The following KCNIP4 variants were observed in gnomAD, a reference collection of about 807,000 sequenced individuals.
The protein encoded by KCNIP4 is Kv channel-interacting protein 4.
In KCNIP4, 12 loss-of-function variants were observed where a neutral mutation model predicts 34.0. The ratio of observed to expected loss-of-function variants is 0.35; its 90% confidence interval spans 0.23 to 0.57. KCNIP4 has a LOEUF of 0.57. KCNIP4 is among the 20% of genes least tolerant of loss of function. The pLI, the probability that KCNIP4 is intolerant of heterozygous loss-of-function variation, is 0.83. For synonymous variants in KCNIP4, 124 were observed against 102.2 expected, an observed-to-expected ratio of 1.21 and a Z score of -1.29; for missense variants, 238 against 311.7, an observed-to-expected ratio of 0.76 and a Z score of 1.78.
At chr4:20,872,985 T>C (rs1245113413) in intron 2 of KCNIP4, among the ~76,000 whole-genome samples, 1 of 152,222 alleles carries the variant, frequency 6.6e-6, no homozygotes, top group Non-Finnish European at 1.5e-5. Context: ...TTCCTTATCT[T>C]GATAAATTTC....
chr4:20,783,059 T>C (rs1171192013), intron 3 of KCNIP4, among the ~76,000 whole-genome samples: 1 of 152,224 alleles, frequency 6.6e-6, no homozygotes, highest in Non-Finnish European at 1.5e-5. Flanking sequence ...CAAGTCTCTT[T>C]GTTAAAACAT....
At chr4:20,774,552 T>C (rs913691547) in intron 3 of KCNIP4, among the ~76,000 whole-genome samples, 9 of 152,216 alleles carry the variant, frequency 5.9e-5, no homozygotes, top group Admixed American at 5.9e-4. Context: ...AAGTCCCTCC[T>C]GGAGTTTGAT....
intron 1 of KCNIP4, among the ~76,000 whole-genome samples, chr4:21,519,528 A>ATGTATGTGTATATACACAAATGTG (rs1735188054): frequency 1.7e-5 from 1 of 58,912 alleles, no homozygotes; most frequent in African/African-American, 8.5e-5. Context: ...ATATGTGTGT[A>ATGTATGTGTATATACACAAATGTG]TGTGTATGTG....
At chr4:21,642,529 G>T (rs1746686951) in intron 1 of KCNIP4, among the ~76,000 whole-genome samples, 1 of 152,102 alleles carries the variant, frequency 6.6e-6, no homozygotes, top group Non-Finnish European at 1.5e-5. Flanking sequence ...GAATTCATGG[G>T]TCCACAATTC....
At chr4:20,888,874 T>A (rs10516369) in intron 1 of KCNIP4, among the ~76,000 whole-genome samples, 18,181 of 152,154 alleles carry the variant, frequency 0.12, 1,266 homozygotes, top group South Asian at 0.22. Flanking sequence ...AATAAGATGT[T>A]CTGTCTAAAG....
At chr4:21,364,928 TG>T (rs1398074128) in intron 1 of KCNIP4, among the ~76,000 whole-genome samples, 2 of 152,160 alleles carry the variant, frequency 1.3e-5, no homozygotes, top group Admixed American at 1.3e-4. Context: ...ACATTGCAAG[TG>T]AATATAAAGA....
intron 1 of KCNIP4, among the ~76,000 whole-genome samples, chr4:20,985,379 C>T (rs536991069): frequency 2.0e-5 from 3 of 152,286 alleles, no homozygotes; most frequent in African/African-American, 7.2e-5. Context: ...AGTGACTTTT[C>T]AACAACTTAC....
chr4:20,789,736 T>G (rs1712482225), intron 3 of KCNIP4, among the ~76,000 whole-genome samples: 1 of 151,234 alleles, frequency 6.6e-6, no homozygotes, highest in Admixed American at 6.6e-5. Flanking sequence ...TGCCAACTAT[T>G]AGATATTTAT....
chr4:20,978,051 G>C (rs1047083776), intron 1 of KCNIP4, among the ~76,000 whole-genome samples: 3 of 152,232 alleles, frequency 2.0e-5, no homozygotes, highest in East Asian at 3.9e-4. Context: ...AAATCTAAAC[G>C]TTTTTCCAGT....
intron 1 of KCNIP4, among the ~76,000 whole-genome samples, chr4:21,772,816 T>C (rs1452223071): frequency 6.6e-6 from 1 of 152,176 alleles, no homozygotes; most frequent in Non-Finnish European, 1.5e-5. Context: ...CTCCCTCTGC[T>C]TTATTAGTCT....
At chr4:21,441,895 G>C (rs1299568015) in intron 1 of KCNIP4, among the ~76,000 whole-genome samples, 1 of 152,134 alleles carries the variant, frequency 6.6e-6, no homozygotes, top group East Asian at 1.9e-4. Flanking sequence ...TTTGGAGAAA[G>C]ATTTAATATT....
At chr4:20,995,004 G>T (rs572695651) in intron 1 of KCNIP4, among the ~76,000 whole-genome samples, 1 of 152,254 alleles carries the variant, frequency 6.6e-6, no homozygotes, top group South Asian at 2.1e-4. Context: ...TTAAAAATCA[G>T]CTCTAACCCC....
At chr4:21,440,119 G>A (rs1291269875) in intron 1 of KCNIP4, among the ~76,000 whole-genome samples, 1 of 152,158 alleles carries the variant, frequency 6.6e-6, no homozygotes, top group Non-Finnish European at 1.5e-5. Flanking sequence ...AAAACAATTA[G>A]GGTGAAGAAA....
intron 1 of KCNIP4, among the ~76,000 whole-genome samples, chr4:21,897,812 C>T (rs1727483460): frequency 6.6e-6 from 1 of 152,114 alleles, no homozygotes; most frequent in African/African-American, 2.4e-5. Flanking sequence ...ATCAGGTAGG[C>T]ATTCGCAGCA....
At chr4:20,886,983 A>G (rs1383540361) in intron 1 of KCNIP4, among the ~76,000 whole-genome samples, 5 of 152,198 alleles carry the variant, frequency 3.3e-5, no homozygotes, top group African/African-American at 1.2e-4. Flanking sequence ...GACATTAGGT[A>G]GCACAGATGT....
intron 1 of KCNIP4, among the ~76,000 whole-genome samples, chr4:20,918,636 C>A (rs1460413851): frequency 2.6e-5 from 4 of 152,192 alleles, no homozygotes; most frequent in African/African-American, 9.7e-5. Flanking sequence ...GTGAACAAGA[C>A]AACCATGTTT....
chr4:20,855,451 C>A (rs868291754), intron 2 of KCNIP4, among the ~76,000 whole-genome samples: 1 of 152,152 alleles, frequency 6.6e-6, no homozygotes, highest in Non-Finnish European at 1.5e-5. Context: ...GGACCCCAAT[C>A]CCTTGTCCCA....
intron 1 of KCNIP4, among the ~76,000 whole-genome samples, chr4:21,476,504 G>T (rs992106545): frequency 7.2e-5 from 11 of 152,100 alleles, no homozygotes; most frequent in Admixed American, 2.6e-4. Context: ...TGAAAAGGTG[G>T]CTGTCTGCAA....
At chr4:21,464,740 A>T (rs1006394972) in intron 1 of KCNIP4, 1 of 152,120 alleles carries the variant, frequency 6.6e-6, no homozygotes, top group Non-Finnish European at 1.5e-5. Flanking sequence ...AGAGGACTTG[A>T]GCAACGCTAT....
Sources: gnomAD v4.1 joint callset for allele counts (sites outside exome capture counted in the v4.1 genomes callset) on GRCh38, gnomAD v4.1.1 for gene constraint, MANE v1.5 for transcripts, NCBI Gene and HGNC (gene_info 2026-07-23, HGNC 2026-07-21) for gene names.